The following DLG2 variants were observed in gnomAD, a reference collection of about 807,000 sequenced individuals.
DLG2 encodes the protein discs large MAGUK scaffold protein 2, also known as disks large homolog 2.
DLG2 carries 45 observed loss-of-function variants against 132.5 expected under a neutral mutation model. The ratio of observed to expected loss-of-function variants is 0.34; its 90% CI spans 0.27 to 0.44. The LOEUF is 0.44. Ranked by LOEUF, DLG2 falls within the 20% of genes least tolerant of loss-of-function variation. The probability of loss-of-function intolerance (pLI) is 1.00; values close to 1 mark genes in which losing one functional copy is unlikely to be tolerated. For missense variants in DLG2, 1,045 were observed against 1,196.9 expected (o/e 0.87, Z 1.87); for synonymous variants, 424 against 419.6 (o/e 1.01, Z -0.13).
chr11:84,817,264 C>G (rs2077179164), intron 6 of DLG2, among the ~76,000 whole-genome samples: 1 of 151,948 alleles, frequency 6.6e-6, no homozygotes, highest in Non-Finnish European at 1.5e-5. Flanking sequence ...TAGGCAGCTT[C>G]CATTTCAATA....
intron 9 of DLG2, among the ~76,000 whole-genome samples, chr11:84,146,310 A>AGG: frequency 6.6e-6 from 1 of 152,202 alleles, no homozygotes; most frequent in Non-Finnish European, 1.5e-5. Flanking sequence ...CTAAATAATA[A>AGG]TTTAATTGTA....
chr11:84,994,496 T>C (rs2057445609), intron 6 of DLG2, among the ~76,000 whole-genome samples: 1 of 152,180 alleles, frequency 6.6e-6, no homozygotes, highest in South Asian at 2.1e-4. Flanking sequence ...ACTGTTCCTC[T>C]AGACATGGAC....
intron 6 of DLG2, among the ~76,000 whole-genome samples, chr11:84,774,284 AAAC>A (rs1338813789): frequency 6.6e-6 from 1 of 152,120 alleles, no homozygotes; most frequent in African/African-American, 2.4e-5. Context: ...ATAAATAAAA[AAAC>A]AACAGATGAC....
intron 19 of DLG2, chr11:83,632,985 A>G: frequency 9.8e-6 from 5 of 508,914 alleles, no homozygotes; most frequent in Non-Finnish European, 1.8e-5. Flanking sequence ...ATCCTGAATC[A>G]TAACTTTGCC....
At chr11:83,558,022 T>C (rs1166137996) in intron 19 of DLG2, among the ~76,000 whole-genome samples, 3 of 152,182 alleles carry the variant, frequency 2.0e-5, no homozygotes, top group Admixed American at 6.5e-5. Flanking sequence ...ATCTATAAAA[T>C]AGGCAGAGAA....
intron 18 of DLG2, among the ~76,000 whole-genome samples, chr11:83,653,456 T>C (rs1264050615): frequency 2.0e-5 from 3 of 152,268 alleles, no homozygotes; most frequent in Non-Finnish European, 4.4e-5. Context: ...GTATGCATTT[T>C]TTCTTGGTCC....
intron 2 of DLG2, among the ~76,000 whole-genome samples, chr11:85,605,511 A>G (rs1374106459): frequency 6.6e-6 from 1 of 152,220 alleles, no homozygotes; most frequent in Non-Finnish European, 1.5e-5. Context: ...ATAGAGAAAA[A>G]GGTTATTTCA....
intron 6 of DLG2, among the ~76,000 whole-genome samples, chr11:85,079,749 C>A (rs760228217): frequency 1.3e-5 from 2 of 152,034 alleles, no homozygotes; most frequent in Non-Finnish European, 2.9e-5. Flanking sequence ...GAAAAGCCAA[C>A]AAATTAGCCA....
intron 5 of DLG2, among the ~76,000 whole-genome samples, chr11:85,128,252 TA>T (rs1311327630): frequency 6.6e-6 from 1 of 152,142 alleles, no homozygotes; most frequent in Non-Finnish European, 1.5e-5. Flanking sequence ...TAAGTATGGT[TA>T]ATGGATATCT....
chr11:85,266,693 T>C (rs2077234335), intron 4 of DLG2, among the ~76,000 whole-genome samples: 1 of 152,214 alleles, frequency 6.6e-6, no homozygotes, highest in Non-Finnish European at 1.5e-5. Context: ...ATTCTTTAAG[T>C]GTGGCATAAA....
intron 6 of DLG2, among the ~76,000 whole-genome samples, chr11:84,820,562 C>T (rs2077556711): frequency 6.6e-6 from 1 of 151,766 alleles, no homozygotes; most frequent in Non-Finnish European, 1.5e-5. Context: ...CAAATTTTTC[C>T]CTTGATGAAA....
At chr11:84,895,753 G>A (rs1028565771) in intron 6 of DLG2, among the ~76,000 whole-genome samples, 1 of 152,142 alleles carries the variant, frequency 6.6e-6, no homozygotes, top group Non-Finnish European at 1.5e-5. Context: ...CTAATGTGAA[G>A]TTATAGTTTG....
chr11:84,447,882 C>T (rs887787731), intron 7 of DLG2, among the ~76,000 whole-genome samples: 3 of 151,940 alleles, frequency 2.0e-5, no homozygotes, highest in Admixed American at 6.6e-5. Context: ...TCAAAAGGAA[C>T]GTAGAGCTGG....
intron 6 of DLG2, among the ~76,000 whole-genome samples, chr11:84,985,764 G>A (rs1401951589): frequency 1.3e-5 from 2 of 151,986 alleles, no homozygotes; most frequent in African/African-American, 4.8e-5. Flanking sequence ...AGGCCAAGTT[G>A]GGCGGATCAC....
intron 10 of DLG2, among the ~76,000 whole-genome samples, chr11:84,095,041 T>C (rs1019440986): frequency 1.3e-5 from 2 of 152,114 alleles, no homozygotes; most frequent in Non-Finnish European, 2.9e-5. Flanking sequence ...AAAATGGTCT[T>C]TAATTCCATG....
chr11:84,814,406 C>T, intron 6 of DLG2, among the ~76,000 whole-genome samples: 1 of 152,056 alleles, frequency 6.6e-6, no homozygotes, highest in East Asian at 1.9e-4. Flanking sequence ...CCCATAGCTA[C>T]CAGAGTGATC....
chr11:84,472,344 A>C (rs183558028), intron 7 of DLG2, among the ~76,000 whole-genome samples: 1 of 152,070 alleles, frequency 6.6e-6, no homozygotes, highest in Admixed American at 6.6e-5. Context: ...AATCTTTAGG[A>C]TATAAAACTG....
chr11:83,862,311 G>A lies in DLG2; in HGVS notation c.1565+12109C>T, dbSNP rs2061581783. 3.9e-5 allele frequency among the ~76,000 whole-genome samples: 6 copies of A among 152,058 alleles called. No homozygotes were observed. In the South Asian group the frequency reaches 1.2e-3, roughly 31 times the overall value. ...GGCAACAACACGAATGGAACTGGAG[G>A]TCATTATGTTAAGTGAAATAAGACA... On this transcript the variant is annotated intron_variant, in intron 16 of 27. Transcript: ENST00000376104.
At chr11:85,122,934 G>T (rs2074509567) in intron 5 of DLG2, among the ~76,000 whole-genome samples, 1 of 61,682 alleles carries the variant, frequency 1.6e-5, no homozygotes, top group African/African-American at 7.2e-5. Flanking sequence ...GCATGTATGT[G>T]TGTCTGTATA....
Sources: allele counts gnomAD v4.1 joint callset (sites outside exome capture counted in the v4.1 genomes callset), GRCh38; gene constraint gnomAD v4.1.1; transcripts MANE v1.5; gene names NCBI Gene and HGNC (gene_info 2026-07-23, HGNC 2026-07-21).